Variants in C8orf34 observed in about 807,000 individuals in gnomAD.
C8orf34 encodes chromosome 8 open reading frame 34.
C8orf34 carries 65 observed loss-of-function variants against 68.3 expected under a neutral mutation model. The ratio of observed to expected loss-of-function variants is 0.95; its 90% CI spans 0.78 to 1.17. The LOEUF is 1.17. C8orf34 is among the 50% of genes most tolerant of loss of function. The pLI is 0.00. For synonymous variants in C8orf34, 244 were observed against 241.2 expected (o/e 1.01, Z -0.11); for missense variants, 664 against 655.4 (o/e 1.01, Z -0.14).
chr8:68,443,539 C>A (rs1810998388), intron 2 of C8orf34, among the ~76,000 whole-genome samples: 1 of 151,944 alleles, frequency 6.6e-6, no homozygotes, highest in African/African-American at 2.4e-5. Flanking sequence ...GGACTACAGG[C>A]ACACGCCAGC....
intron 10 of C8orf34, among the ~76,000 whole-genome samples, chr8:68,735,422 G>C (rs1313562111): frequency 6.6e-6 from 1 of 152,154 alleles, no homozygotes; most frequent in Non-Finnish European, 1.5e-5. Flanking sequence ...TGAATGTTTT[G>C]TCTTTTCTAG....
chr8:68,708,063 A>C (rs761057814), intron 8 of C8orf34, among the ~76,000 whole-genome samples: 5 of 152,214 alleles, frequency 3.3e-5, no homozygotes, highest in Non-Finnish European at 7.3e-5. Context: ...AAAACCACAC[A>C]AAGCTTAGCA....
intron 7 of C8orf34, among the ~76,000 whole-genome samples, chr8:68,601,314 C>G (rs1338183323): frequency 1.3e-5 from 2 of 152,020 alleles, no homozygotes; most frequent in South Asian, 4.1e-4. Context: ...TCTTCAAATA[C>G]TTTATTCAGT....
chr8:68,330,553 C>T (rs1805521509), upstream of C8orf34, among the ~76,000 whole-genome samples: 1 of 152,156 alleles, frequency 6.6e-6, no homozygotes, highest in African/African-American at 2.4e-5. Context: ...GCAGAAGGTG[C>T]TGAGGAGAGG....
chr8:68,799,156 T>C (rs1472551885), intron 12 of C8orf34, among the ~76,000 whole-genome samples: 1 of 152,220 alleles, frequency 6.6e-6, no homozygotes, highest in South Asian at 2.1e-4. Context: ...GCCCAAATTT[T>C]TGTTATTTTT....
chr8:68,532,407 A>G (rs925244953), intron 6 of C8orf34, among the ~76,000 whole-genome samples: 11 of 152,188 alleles, frequency 7.2e-5, no homozygotes, highest in Non-Finnish European at 1.6e-4. Flanking sequence ...CAATATACAT[A>G]TACATATTGT....
intron 1 of C8orf34, among the ~76,000 whole-genome samples, chr8:68,422,918 C>T (rs947194638): frequency 1.3e-5 from 2 of 152,206 alleles, no homozygotes; most frequent in Non-Finnish European, 1.5e-5. Context: ...CCCTCTGAAA[C>T]AAAGCCCCGA....
chr8:68,545,041 A>G (rs1481143762), intron 7 of C8orf34, among the ~76,000 whole-genome samples: 1 of 152,132 alleles, frequency 6.6e-6, no homozygotes, highest in African/African-American at 2.4e-5. Flanking sequence ...TCTGGATAAA[A>G]CAGGATCAGA....
At chr8:68,336,088 A>T (rs1217883513) in intron 1 of C8orf34, among the ~76,000 whole-genome samples, 1 of 151,458 alleles carries the variant, frequency 6.6e-6, no homozygotes, top group East Asian at 1.9e-4. Flanking sequence ...CCCCATTACA[A>T]AAAAAAGAAA....
At chr8:68,544,827 C>T (rs548639710) in intron 7 of C8orf34, among the ~76,000 whole-genome samples, 2 of 151,564 alleles carry the variant, frequency 1.3e-5, no homozygotes, top group East Asian at 1.9e-4. Context: ...TTTGAAGATA[C>T]GTCAACAGAA....
intron 5 of C8orf34, among the ~76,000 whole-genome samples, chr8:68,507,335 A>G (rs976339747): frequency 5.3e-5 from 8 of 152,182 alleles, no homozygotes; most frequent in Admixed American, 1.3e-4. Context: ...TAATTTCTCT[A>G]TATTAAAAAA....
At chr8:68,572,387 A>G (rs1015246800) in intron 7 of C8orf34, among the ~76,000 whole-genome samples, 5 of 151,998 alleles carry the variant, frequency 3.3e-5, no homozygotes, top group Non-Finnish European at 7.4e-5. Context: ...CTACCTATGC[A>G]TATTACACAC....
chr8:68,469,366 A>G (rs1017900665), intron 4 of C8orf34, among the ~76,000 whole-genome samples: 3 of 151,986 alleles, frequency 2.0e-5, no homozygotes, highest in Non-Finnish European at 2.9e-5. Context: ...AATAAATCAG[A>G]TAAATCATTT....
intron 1 of C8orf34, among the ~76,000 whole-genome samples, chr8:68,378,450 C>T (rs1480035748): frequency 6.6e-6 from 1 of 152,086 alleles, no homozygotes; most frequent in Non-Finnish European, 1.5e-5. Flanking sequence ...GCACATGCTA[C>T]CACGTCCAGC....
At chr8:68,542,335 T>C (rs2129949810) in intron 7 of C8orf34, among the ~76,000 whole-genome samples, 1 of 152,336 alleles carries the variant, frequency 6.6e-6, no homozygotes, top group African/African-American at 2.4e-5. Context: ...CCACATCTAA[T>C]AATATAAGAA....
intron 12 of C8orf34, among the ~76,000 whole-genome samples, chr8:68,789,954 T>C (rs1333167826): frequency 6.6e-6 from 1 of 152,204 alleles, no homozygotes; most frequent in Non-Finnish European, 1.5e-5. Context: ...TATTTGATCT[T>C]AGCAATGTTG....
At chr8:68,481,100 A>G (rs1289963148) in intron 4 of C8orf34, among the ~76,000 whole-genome samples, 1 of 152,180 alleles carries the variant, frequency 6.6e-6, no homozygotes, top group African/African-American at 2.4e-5. Flanking sequence ...GGCCAGGTCC[A>G]GGGTTCCCAT....
chr8:68,419,235 C>T (rs1809829786), intron 1 of C8orf34, among the ~76,000 whole-genome samples: 1 of 149,594 alleles, frequency 6.7e-6, no homozygotes, highest in Admixed American at 6.7e-5. Flanking sequence ...AAATGCTCAC[C>T]ATCACTGGCC....
chr8:68,555,597 T>C (rs1174837707), intron 7 of C8orf34, among the ~76,000 whole-genome samples: 1 of 152,136 alleles, frequency 6.6e-6, no homozygotes, highest in Non-Finnish European at 1.5e-5. Context: ...TCTCTAGAGG[T>C]AATTATTATG....
Sources: gnomAD v4.1 joint callset for allele counts (sites outside exome capture counted in the v4.1 genomes callset) on GRCh38, gnomAD v4.1.1 for gene constraint, MANE v1.5 for transcripts, NCBI Gene and HGNC (gene_info 2026-07-23, HGNC 2026-07-21) for gene names.